AHNAK: variants seen among roughly 807,000 people sequenced by gnomAD.
AHNAK encodes the protein neuroblast differentiation-associated protein AHNAK.
AHNAK carries 23 observed loss-of-function variants against 37.8 expected under a neutral mutation model. The observed-to-expected ratio is 0.61, with a 90% CI of 0.44 to 0.86. AHNAK has a LOEUF of 0.86. Ranked by LOEUF, AHNAK falls within the 40% of genes least tolerant of loss-of-function variation. The pLI is 0.00. For missense variants in AHNAK, 7,411 were observed against 7,319.4 expected (o/e 1.01, Z -0.46); for synonymous variants, 2,481 against 2,636.3 (o/e 0.94, Z 1.80).
chr11:62,505,701 C>T (rs1439589760), intron 4 of AHNAK, among the ~76,000 whole-genome samples: 2 of 151,658 alleles, frequency 1.3e-5, no homozygotes, highest in African/African-American at 2.4e-5. Context: ...CCTTCCCTCC[C>T]CCTCGACCTA....
At chr11:62,449,712 A>AT (rs1938493563) in intron 5 of AHNAK, among the ~76,000 whole-genome samples, 1 of 152,128 alleles carries the variant, frequency 6.6e-6, no homozygotes. Flanking sequence ...AAAAATAACA[A>AT]TGACTAACGT....
At chr11:62,455,543 T>G (rs1938637944) in intron 5 of AHNAK, among the ~76,000 whole-genome samples, 1 of 151,976 alleles carries the variant, frequency 6.6e-6, no homozygotes, top group African/African-American at 2.4e-5. Context: ...CTGTCTCTAC[T>G]AAAAATACAA....
Position 62,532,850 on chromosome 11 carries a change from G to A in AHNAK, c.1567C>T (p.Pro523Ser), listed in dbSNP as rs141665457. ...CCTTTAACATCACCTTGCACCCCAG[G>A]AGCAGAAACCTTAATATCTCCTTTC... The part of the protein sequence containing the change: ...KLKGDIKVSA[P>S]GVQGDVKGPQ... Residue 523 changes from proline (P) to serine (S), a missense_variant, in exon 5 of 5, where the codon CCT becomes TCT. By Grantham distance (74) the Pro-to-Ser change is moderately conservative. Coordinates refer to ENST00000378024, the MANE Select transcript of AHNAK (RefSeq NM_001620.3). 6.8e-6 allele frequency: 11 copies of A among 1,613,924 alleles called. No homozygotes were observed. The Admixed American group carries it at 8.3e-5, about 12-fold the overall frequency.
At position 62,527,474 on chromosome 11, in the gene AHNAK, G is replaced by C. The variant is rs777241071; in HGVS notation, c.6943C>G (p.Pro2315Ala). 4 of 1,613,972 alleles carry C rather than the reference G, an allele frequency of 2.5e-6. No homozygotes were observed. Among genetic ancestry groups the C allele is most frequent in the African/African-American group, 1.3e-5 (1 of 74,880 alleles). The part of the protein sequence containing the change: ...MHFKTPKISM[P>A]DVDFNLKGPK... ...CCCTTTAAATTGAAATCAACATCAGGCATGGAGATCTTGGGGGTCTTGAAG... is the reference window on the plus strand; with the variant it reads ...CCCTTTAAATTGAAATCAACATCAGCCATGGAGATCTTGGGGGTCTTGAAG... The change falls in exon 5 of 5, where the codon CCT becomes GCT. Residue 2315 changes from proline (P) to alanine (A), a missense_variant. Pro to Ala is a conservative substitution (Grantham distance 27, BLOSUM62 -1). Coordinates refer to ENST00000378024, the MANE Select transcript of AHNAK (RefSeq NM_001620.3).
intron 5 of AHNAK, among the ~76,000 whole-genome samples, chr11:62,461,981 T>G (rs960919167): frequency 6.6e-6 from 1 of 152,206 alleles, no homozygotes; most frequent in Admixed American, 6.5e-5. Flanking sequence ...GGGAAGAATT[T>G]CCTGAATAGC....
In AHNAK at chr11:62,480,827, A is replaced by AAAAAG. The variant is rs139354282; in HGVS notation, c.442+10904_442+10905insCTTTT. 1.8e-4 allele frequency among the ~76,000 whole-genome samples: 22 copies of AAAAAG among 120,900 alleles called. 4 individuals are homozygous for AAAAAG. Among genetic ancestry groups the AAAAAG allele is most frequent in the Non-Finnish European group, 2.9e-4 (17 of 57,878 alleles). 79.3% of individuals were successfully genotyped at this position (120,900 alleles called of 152,430 possible). ...TTAAAAAAAAAAAAAAAAAAAAAAA[A>AAAAAG]CCTGGATTTGCTGCCTTCTGGTCTG... On this transcript the variant is annotated intron_variant, in intron 5 of 5. Transcript: ENST00000257247.
downstream of AHNAK, among the ~76,000 whole-genome samples, chr11:62,514,677 A>G (rs1028055192): frequency 1.3e-5 from 2 of 152,200 alleles, no homozygotes; most frequent in African/African-American, 4.8e-5. Flanking sequence ...TTTAAGGGTG[A>G]TGAAACTGAG....
chr11:62,526,733 A>G lies in AHNAK; in HGVS notation c.7684T>C (p.Leu2562=). 6.2e-7 allele frequency: 1 copy of G among 1,612,716 alleles called. No homozygotes were observed. The highest frequency in any genetic ancestry group is 1.1e-5 in the South Asian group (1 of 91,004). ...GGCATCTTTAACTTAGGCCCTTTCA[A>G]CTTTCCCTCTGGTCCTTCAATATTA... ...DVNIEGPEGK[L]KGPKLKMPEM... is the part of the protein sequence containing the mutation. Residue 2562 remains leucine, a synonymous_variant, in exon 5 of 5, where the codon TTG becomes CTG. Transcript: ENST00000378024.
At chr11:62,472,244 C>A (rs1939050511) in intron 5 of AHNAK, among the ~76,000 whole-genome samples, 1 of 152,094 alleles carries the variant, frequency 6.6e-6, no homozygotes, top group African/African-American at 2.4e-5. Flanking sequence ...CTGTGGCTCT[C>A]ACCCGACTCC....
chr11:62,516,388 C>T lies in AHNAK; in HGVS notation c.*356G>A. The T allele has an allele frequency of 1.6e-6, 2 of 1,269,128 alleles. No individual in the cohort carries two copies. Among genetic ancestry groups the T allele is most frequent in the Non-Finnish European group, 2.0e-6 (2 of 977,958 alleles). 78.6% of individuals were successfully genotyped at this position (1,269,128 alleles called of 1,614,324 possible). Reference sequence around the variant, plus strand: ...TCATTACAATGAAAAAGTGGGTTTCCATTACCCCAAAACTAACAATGTTCA... The same window carrying T: ...TCATTACAATGAAAAAGTGGGTTTCTATTACCCCAAAACTAACAATGTTCA... On this transcript the variant is annotated 3_prime_UTR_variant, in exon 5 of 5. Coordinates refer to ENST00000378024, the MANE Select transcript of AHNAK (RefSeq NM_001620.3).
intron 4 of AHNAK, among the ~76,000 whole-genome samples, chr11:62,493,332 CTTT>C (rs538984724): frequency 1.6e-5 from 2 of 122,902 alleles, no homozygotes; most frequent in African/African-American, 5.7e-5. Context: ...TTCTTTCTTT[CTTT>C]TTTTTTTTTT....
chr11:62,521,740 A>G lies in AHNAK; in HGVS notation c.12677T>C (p.Ile4226Thr), dbSNP rs746581816. The G allele has an allele frequency of 1.1e-5, 17 of 1,613,624 alleles. No homozygotes were observed. The highest frequency in any genetic ancestry group is 1.6e-4 in the Middle Eastern group (1 of 6,080). The change falls in exon 5 of 5, where the codon ATT becomes ACT. Residue 4226 changes from isoleucine to threonine, a missense_variant. By Grantham distance (89) the Ile-to-Thr change is moderately conservative. Transcript: ENST00000378024. ...DLDVSGPKVD[I>T]DVPDVNIEGP... is the part of the protein sequence containing the mutation. ...TTCGATATTCACATCAGGAACATCA[A>G]TGTCCACCTTGGGTCCTGAGACGTC...
At chr11:62,449,744 G>T (rs1232865640) in intron 5 of AHNAK, among the ~76,000 whole-genome samples, 1 of 152,184 alleles carries the variant, frequency 6.6e-6, no homozygotes, top group Admixed American at 6.5e-5. Flanking sequence ...TTCCAATGTG[G>T]TGGTTCGTCC....
intron 5 of AHNAK, among the ~76,000 whole-genome samples, chr11:62,455,903 GTGGC>G (rs1426308871): frequency 6.6e-6 from 1 of 151,470 alleles, no homozygotes; most frequent in Non-Finnish European, 1.5e-5. Flanking sequence ...ACTAGCTGTG[GTGGC>G]GGGTGCCTGT....
chr11:62,527,504 T>C lies in AHNAK; in HGVS notation c.6913A>G (p.Met2305Val). ...GAGATCTTGGGGGTCTTGAAGTGCA[T>C]CTCAGGCATCTTAAACTTGGGGCCC... is the stretch of plus-strand genomic sequence containing the variant. ...LKGPKFKMPE[M>V]HFKTPKISMP... Residue 2305 changes from methionine to valine, a missense_variant, in exon 5 of 5, where the codon ATG becomes GTG. Physicochemically the swap from Met to Val is conservative, Grantham distance 21. Transcript: ENST00000378024. 6.2e-7 allele frequency: 1 copy of C among 1,613,752 alleles called. No individual in the cohort carries two copies. The highest frequency in any genetic ancestry group is 8.5e-7 in the Non-Finnish European group (1 of 1,179,922).
chr11:62,488,341 G>C (rs185058315), intron 5 of AHNAK, among the ~76,000 whole-genome samples: 2 of 151,274 alleles, frequency 1.3e-5, no homozygotes, highest in African/African-American at 2.4e-5. Flanking sequence ...GAGCAATAGA[G>C]AAATGGCCAC....
Position 62,520,130 on chromosome 11 carries a change from C to A in AHNAK, c.14287G>T (p.Asp4763Tyr), listed in dbSNP as rs755969070. The A allele has an allele frequency of 1.2e-6, 2 of 1,612,322 alleles. No homozygotes were observed. Among genetic ancestry groups the A allele is most frequent in the Middle Eastern group, 1.7e-4 (1 of 6,056 alleles). ...PEADIKGPKV[D>Y]INTPDVDVHG... ...ACATCCACATCAGGGGTGTTGATGT[C>A]CACTTTTGGGCCCTTGATGTCAGCT... Residue 4763 changes from aspartate to tyrosine, a missense_variant, in exon 5 of 5, where the codon GAC (aspartate) becomes TAC (tyrosine). Coordinates refer to ENST00000378024, the MANE Select transcript of AHNAK (RefSeq NM_001620.3).
rs115015938 is a variant in AHNAK, at chr11:62,490,046, T to C, written c.442+1686A>G. 6.0e-3 allele frequency among the ~76,000 whole-genome samples: 912 copies of C among 151,038 alleles called. 4 individuals are homozygous for C. Among genetic ancestry groups the C allele is most frequent in the African/African-American group, 0.021 (867 of 41,130 alleles). On this transcript the variant is annotated intron_variant, in intron 5 of 5. Transcript: ENST00000257247. ...AGTATTGAGTGGCAGGGTGGAAGCC[T>C]GGGAACGGGAAGTGGGGGGACTGGA... is the stretch of plus-strand genomic sequence containing the variant.
Position 62,525,406 on chromosome 11 carries a change from A to G in AHNAK, c.9011T>C (p.Val3004Ala), listed in dbSNP as rs779711786. The G allele has an allele frequency of 5.6e-6, 9 of 1,613,394 alleles. No homozygotes were observed. The South Asian group carries it at 9.9e-5, about 18-fold the overall frequency. The change falls in exon 5 of 5, where the codon GTG becomes GCG. Residue 3004 changes from valine to alanine, a missense_variant. Coordinates refer to ENST00000378024, the MANE Select transcript of AHNAK (RefSeq NM_001620.3). Reference sequence around the variant, plus strand: ...GCCCACATCCGGGACATCAATGTCCACTTGGGGACCCCTGATGTCAACTTC... The same window carrying G: ...GCCCACATCCGGGACATCAATGTCCGCTTGGGGACCCCTGATGTCAACTTC... ...GPEVDIRGPQ[V>A]DIDVPDVGVQ...
Sources: allele counts gnomAD v4.1 joint callset (sites outside exome capture counted in the v4.1 genomes callset), GRCh38; gene constraint gnomAD v4.1.1; transcripts MANE v1.5; gene names NCBI Gene and HGNC (gene_info 2026-07-23, HGNC 2026-07-21).